The following HELZ variants were observed in gnomAD, a reference collection of about 807,000 sequenced individuals.
HELZ encodes the protein ATP-dependent RNA helicase with zinc finger domain.
Under a neutral mutation model 218.2 loss-of-function variants are expected in HELZ, and 23 were observed. The ratio of observed to expected loss-of-function variants is 0.11; its 90% CI spans 0.08 to 0.15. The LOEUF (loss-of-function observed/expected upper bound fraction) is 0.15, where lower values mean the gene tolerates loss of function less well. Among genes scored for constraint, HELZ ranks in the 10% least tolerant of loss-of-function variants. The pLI, the probability that HELZ is intolerant of heterozygous loss-of-function variation, is 1.00. For synonymous variants in HELZ, 814 were observed against 829.4 expected (o/e 0.98, Z 0.32); for missense variants, 1,813 against 2,353.7 (o/e 0.77, Z 4.75).
In HELZ at chr17:67,190,283, T is replaced by C. The variant is rs936563331; in HGVS notation, c.630A>G (p.Glu210=). Reference sequence around the variant, plus strand: ...GCCGTGAAGCATATCTTTTCTGCCATTCTGCTAGTTCTTCCTGGGAATGTG... The same window carrying C: ...GCCGTGAAGCATATCTTTTCTGCCACTCTGCTAGTTCTTCCTGGGAATGTG... The part of the protein sequence containing the change: ...TSAHSQEELA[E]WQKRYASRLI... The change falls in exon 10 of 33, where the codon GAA becomes GAG. Residue 210 remains glutamate (E), a synonymous_variant. Transcript: ENST00000358691. 1 of 1,614,070 alleles carries C rather than the reference T, an allele frequency of 6.2e-7. No homozygotes were observed.
At chr17:67,115,259 T>C (rs2037394669) in intron 27 of HELZ, among the ~76,000 whole-genome samples, 1 of 151,538 alleles carries the variant, frequency 6.6e-6, no homozygotes, top group African/African-American at 2.4e-5. Context: ...CTACCCAAAA[T>C]GAAACATGAA....
intron 27 of HELZ, 58 bp downstream of exon 27, chr17:67,120,347 G>T: frequency 7.3e-7 from 1 of 1,377,616 alleles, no homozygotes; most frequent in Non-Finnish European, 1.0e-6. Context: ...CTTTCTATGT[G>T]GCTAAAACTT....
chr17:67,199,441 G>A (rs868639858), intron 7 of HELZ, among the ~76,000 whole-genome samples: 4 of 152,044 alleles, frequency 2.6e-5, no homozygotes, highest in Admixed American at 6.6e-5. Flanking sequence ...TCAAACTCCC[G>A]ACCTCAGGTG....
chr17:67,244,409 C>T (rs1458444249), intron 1 of HELZ, among the ~76,000 whole-genome samples: 1 of 152,310 alleles, frequency 6.6e-6, no homozygotes, highest in Admixed American at 6.5e-5. Context: ...GGCGAGGGTG[C>T]AGAAGGCTCC....
In HELZ at chr17:67,093,079, T is replaced by C. The variant is rs533532819; in HGVS notation, c.5242-5998A>G. Among the ~76,000 whole-genome samples the C allele has an allele frequency of 1.9e-4, 29 of 152,312 alleles. No homozygotes were observed. The East Asian group carries it at 5.2e-3, about 27-fold the overall frequency. On this transcript the variant is annotated intron_variant, in intron 31 of 32. Transcript: ENST00000358691. ...AGGGAGGCCCGGAAAGAAACAATAG[T>C]GATGTTTTAAAAATATTTTAGAACA...
intron 31 of HELZ, among the ~76,000 whole-genome samples, chr17:67,089,409 A>G (rs959641789): frequency 1.1e-4 from 17 of 152,180 alleles, no homozygotes; most frequent in African/African-American, 3.9e-4. Context: ...CAGAAAATTT[A>G]TATCATTTGT....
At chr17:67,104,508 G>C (rs1408788449) in intron 31 of HELZ, among the ~76,000 whole-genome samples, 1 of 151,252 alleles carries the variant, frequency 6.6e-6, no homozygotes, top group Non-Finnish European at 1.5e-5. Context: ...ATTAGGCCAG[G>C]GTTTCTTGGA....
intron 10 of HELZ, 145 bp downstream of exon 10, chr17:67,190,012 A>G: frequency 1.5e-6 from 1 of 684,964 alleles, no homozygotes; most frequent in Admixed American, 2.6e-5. Flanking sequence ...TGGGTCTACT[A>G]TAGCTACTAA....
At chr17:67,121,455 T>C (rs1434764225) in intron 26 of HELZ, among the ~76,000 whole-genome samples, 1 of 151,992 alleles carries the variant, frequency 6.6e-6, no homozygotes, top group Non-Finnish European at 1.5e-5. Flanking sequence ...CTATGGGGAG[T>C]GGGCATGAAT....
At chr17:67,239,170 A>G (rs140634880) in intron 3 of HELZ, among the ~76,000 whole-genome samples, 10 of 152,346 alleles carry the variant, frequency 6.6e-5, no homozygotes, top group African/African-American at 2.4e-4. Flanking sequence ...CTGAGCCCCT[A>G]TGCAGTTACT....
intron 17 of HELZ, among the ~76,000 whole-genome samples, chr17:67,156,400 TC>T (rs2038843837): frequency 2.0e-5 from 3 of 152,140 alleles, no homozygotes; most frequent in Admixed American, 6.6e-5. Context: ...ACCTCTCCCC[TC>T]CTTTCACAGC....
At chr17:67,131,555 C>CTT (rs533904380) in intron 23 of HELZ, among the ~76,000 whole-genome samples, 8 of 145,362 alleles carry the variant, frequency 5.5e-5, no homozygotes, top group Admixed American at 2.1e-4. Flanking sequence ...TAAATCTGAC[C>CTT]TTTTTTTTTT....
intron 3 of HELZ, among the ~76,000 whole-genome samples, chr17:67,233,053 G>A (rs1013328501): frequency 6.6e-6 from 1 of 152,198 alleles, no homozygotes; most frequent in Non-Finnish European, 1.5e-5. Context: ...AGAATTGCTC[G>A]AACCTGGGAG....
rs1337770569 is a variant in HELZ, at chr17:67,071,805, G to C, written c.*6447C>G. 1 of 152,630 alleles carries C rather than the reference G, an allele frequency of 6.6e-6. No individual in the cohort carries two copies. Among genetic ancestry groups the C allele is most frequent in the East Asian group, 1.9e-4 (1 of 5,170 alleles). 9.5% of individuals were successfully genotyped at this position (152,630 alleles called of 1,614,324 possible). Reference sequence around the variant, plus strand: ...ACTTATGAATAATTCATGCTGTGTAGGTGGTAGATCCCCCTAGGCTGTTTT... The same window carrying C: ...ACTTATGAATAATTCATGCTGTGTACGTGGTAGATCCCCCTAGGCTGTTTT... On this transcript the variant is annotated 3_prime_UTR_variant, in exon 33 of 33. Transcript: ENST00000358691.
rs779196047 is a variant in HELZ at position 67,194,025 on chromosome 17, G to A, written c.499C>T (p.His167Tyr). ...ATTCCCCTAGGTGGTGGGCGGAAAT[G>A]CCAACCATTACAAGACCCTAGGGAG... ...DLDEGSCNGW[H>Y]FRPPPRGITS... The change falls in exon 9 of 33, where the codon CAT becomes TAT. Residue 167 changes from histidine (H) to tyrosine (Y), a missense_variant. Transcript: ENST00000358691. 58 of 1,612,676 alleles carry A rather than the reference G, an allele frequency of 3.6e-5. 1 individual carries two copies. Among genetic ancestry groups the A allele is most frequent in the Non-Finnish European group, 4.7e-5 (55 of 1,179,186 alleles).
intron 31 of HELZ, among the ~76,000 whole-genome samples, chr17:67,090,305 A>G (rs1452083612): frequency 6.6e-6 from 1 of 152,178 alleles, no homozygotes; most frequent in East Asian, 1.9e-4. Context: ...CTAAATTCAA[A>G]TGGCTAATGT....
intron 21 of HELZ, among the ~76,000 whole-genome samples, chr17:67,138,746 T>A (rs1232218308): frequency 6.6e-6 from 1 of 152,188 alleles, no homozygotes; most frequent in African/African-American, 2.4e-5. Context: ...AACCTTGCAA[T>A]AAAGCAATGC....
chr17:67,244,514 G>A (rs1241091183), intron 1 of HELZ: 2 of 801,040 alleles, frequency 2.5e-6, no homozygotes, highest in Non-Finnish European at 3.0e-6. Context: ...GGAATCTCCA[G>A]GAAAAGAGAG....
intron 24 of HELZ, among the ~76,000 whole-genome samples, chr17:67,127,575 C>T (rs946980065): frequency 2.0e-5 from 3 of 152,158 alleles, no homozygotes; most frequent in East Asian, 1.9e-4. Context: ...TGGCCTGGTG[C>T]GGTGGCTCAT....
Sources: allele counts gnomAD v4.1 joint callset (sites outside exome capture counted in the v4.1 genomes callset), GRCh38; gene constraint gnomAD v4.1.1; transcripts MANE v1.5; gene names NCBI Gene and HGNC (gene_info 2026-07-23, HGNC 2026-07-21).